The following SLC12A2 variants were observed in gnomAD, a reference collection of about 807,000 sequenced individuals.
SLC12A2 encodes the protein solute carrier family 12 member 2.
A neutral mutation model predicts 136.3 loss-of-function variants in SLC12A2; 67 were observed. The ratio of observed to expected loss-of-function variants is 0.49; its 90% CI spans 0.40 to 0.60. The LOEUF (loss-of-function observed/expected upper bound fraction) is 0.60. Ranked by LOEUF, SLC12A2 falls within the 20% of genes least tolerant of loss-of-function variation. The pLI, the probability that SLC12A2 is intolerant of heterozygous loss-of-function variation, is 0.00. For synonymous variants in SLC12A2, 619 were observed against 562.9 expected, an observed-to-expected ratio of 1.10 and a Z score of -1.41; for missense variants, 1,322 against 1,534.7, an observed-to-expected ratio of 0.86 and a Z score of 2.32.
chr5:128,143,497 C>T (rs1361004057), intron 10 of SLC12A2, among the ~76,000 whole-genome samples: 1 of 152,058 alleles, frequency 6.6e-6, no homozygotes, highest in African/African-American at 2.4e-5. Flanking sequence ...TTTATTGTTA[C>T]CTCTATTAAG....
chr5:128,135,683 A>C lies in SLC12A2; in HGVS notation c.1300-17A>C, dbSNP rs760683207. ...AACAAGATACTTGATTTTAATTTTT[A>C]ATGTTTAAAATTGCAGGCTCAGATT... On this transcript the variant is annotated splice_polypyrimidine_tract_variant and intron_variant, in intron 6 of 26. Transcript: ENST00000262461. The C allele has an allele frequency of 2.8e-6, 4 of 1,453,552 alleles. No individual in the cohort carries two copies. The highest frequency in any genetic ancestry group is 3.8e-6 in the Non-Finnish European group (4 of 1,040,288). The allele number at this position is 1,453,552 out of a possible 1,614,324, so 90.0% of individuals were successfully genotyped here. A position where few individuals can be genotyped will look rare whatever the true frequency, so the allele number is the denominator to read the frequency against.
chr5:128,126,967 T>TATATATATATATATAA (rs1491322749), intron 4 of SLC12A2, among the ~76,000 whole-genome samples: 2 of 29,650 alleles, frequency 6.7e-5, no homozygotes, highest in African/African-American at 3.8e-4. Flanking sequence ...TATATATATA[T>TATATATATATATATAA]TTTTTTTTTT....
intron 26 of SLC12A2, among the ~76,000 whole-genome samples, chr5:128,185,171 T>C (rs1211541679): frequency 6.6e-6 from 1 of 152,152 alleles, no homozygotes; most frequent in East Asian, 1.9e-4. Context: ...TAAGCACGTG[T>C]GGATAGGAGG....
chr5:128,159,403 T>G (rs1762962594), intron 16 of SLC12A2, among the ~76,000 whole-genome samples: 1 of 152,058 alleles, frequency 6.6e-6, no homozygotes, highest in Admixed American at 6.6e-5. Context: ...AATTGATAAA[T>G]GGGATCTAAC....
At chr5:128,115,920 A>G (rs900888710) in intron 4 of SLC12A2, among the ~76,000 whole-genome samples, 3 of 152,186 alleles carry the variant, frequency 2.0e-5, no homozygotes, top group African/African-American at 7.2e-5. Context: ...TATCAATATG[A>G]TTATGACTAT....
rs568063857 is a variant in SLC12A2, at chr5:128,138,656, G to A, written c.1468G>A (p.Val490Ile). The change falls in exon 8 of 27, where the codon GTA (valine) becomes ATA (isoleucine). Residue 490 changes from valine (V) to isoleucine (I), a missense_variant. Physicochemically the swap from Val to Ile is conservative, Grantham distance 29 (BLOSUM62 3). Coordinates refer to ENST00000262461, the MANE Select transcript of SLC12A2 (RefSeq NM_001046.3). ...DFREEETFFS[V>I]FAIFFPAATG... The stretch of plus-strand genomic sequence containing the variant: ...TCGAGAGGAAGAGACTTTCTTTTCT[G>A]TATTTGCCATCTTTTTTCCTGCTGC... 1.2e-6 allele frequency: 2 copies of A among 1,613,640 alleles called. No individual in the cohort carries two copies. Among genetic ancestry groups the A allele is most frequent in the South Asian group, 2.2e-5 (2 of 91,028 alleles).
intron 18 of SLC12A2, chr5:128,169,462 TA>T (rs1299467424): frequency 6.6e-6 from 1 of 152,198 alleles, no homozygotes; most frequent in Non-Finnish European, 1.5e-5. Context: ...CTCTACTTTT[TA>T]AAGGATCTCT....
chr5:128,097,393 T>G (rs1760583700), intron 1 of SLC12A2, among the ~76,000 whole-genome samples: 1 of 152,088 alleles, frequency 6.6e-6, no homozygotes, highest in Non-Finnish European at 1.5e-5. Context: ...TATAATACTT[T>G]AAAGTATATG....
At chr5:128,184,684 C>T in intron 25 of SLC12A2, 105 bp from the exon 26 acceptor site, 1 of 1,553,698 alleles carries the variant, frequency 6.4e-7, no homozygotes, top group South Asian at 1.2e-5. Context: ...ATTTTTATTA[C>T]ACGAAAATTC....
rs1266702762 is a variant in SLC12A2 at position 128,114,277 on chromosome 5, A to G, written c.942A>G (p.Gln314=). Residue 314 remains glutamine (Q), a synonymous_variant, in exon 3 of 27, where the codon CAA becomes CAG. Coordinates refer to ENST00000262461, the MANE Select transcript of SLC12A2 (RefSeq NM_001046.3). ...LFIRLSWIVG[Q]AGIGLSVLVI... The stretch of plus-strand genomic sequence containing the variant: ...TTAGATTGTCATGGATTGTGGGTCA[A>G]GCTGGAATAGGTAAGTGAAGTTATA... 6.2e-7 allele frequency: 1 copy of G among 1,612,446 alleles called. No individual in the cohort carries two copies. Among genetic ancestry groups the G allele is most frequent in the Non-Finnish European group, 8.5e-7 (1 of 1,178,816 alleles).
chr5:128,154,295 G>T (rs1274067682), intron 15 of SLC12A2, among the ~76,000 whole-genome samples: 2 of 151,862 alleles, frequency 1.3e-5, no homozygotes, highest in Non-Finnish European at 2.9e-5. Context: ...GTATGATGGT[G>T]CATACCTGTG....
chr5:128,181,138 A>G, intron 23 of SLC12A2, 144 bp downstream of exon 23: 3 of 606,458 alleles, frequency 4.9e-6, no homozygotes, highest in Non-Finnish European at 8.7e-6. Context: ...TTTAAATATA[A>G]CCTTGTTCTC....
intron 4 of SLC12A2, among the ~76,000 whole-genome samples, chr5:128,120,461 A>C (rs1437413105): frequency 1.3e-5 from 2 of 151,930 alleles, no homozygotes; most frequent in African/African-American, 2.4e-5. Context: ...AACCAACCCA[A>C]ATGTCCAACA....
intron 18 of SLC12A2, chr5:128,170,387 T>A (rs1258885156): frequency 6.6e-6 from 1 of 152,212 alleles, no homozygotes; most frequent in East Asian, 1.9e-4. Context: ...ATCATAGGAA[T>A]GTGGCCAAAT....
At chr5:128,181,831 C>G (rs544551607) in intron 23 of SLC12A2, among the ~76,000 whole-genome samples, 4 of 152,104 alleles carry the variant, frequency 2.6e-5, no homozygotes, top group African/African-American at 9.6e-5. Flanking sequence ...TCTCATCTCT[C>G]TCCTGTAAAT....
In SLC12A2 at chr5:128,110,052, T is replaced by G. The variant is rs1251812839; in HGVS notation, c.757-2762T>G. 7 of 1,018,356 alleles carry G rather than the reference T, an allele frequency of 6.9e-6. No individual in the cohort carries two copies. In the East Asian group the frequency reaches 1.7e-4, roughly 24 times the overall value. The allele number at this position is 1,018,356 out of a possible 1,614,324, so 63.1% of individuals were successfully genotyped here. The stretch of plus-strand genomic sequence containing the variant: ...AAGACTTGGACAGAGGCAGAGCCTG[T>G]GTCACTACACCTTAAAAGATAACAA... On this transcript the variant is annotated intron_variant, in intron 1 of 26. Coordinates refer to ENST00000262461, the MANE Select transcript of SLC12A2 (RefSeq NM_001046.3).
At chr5:128,157,564 C>T (rs1430687418) in intron 15 of SLC12A2, among the ~76,000 whole-genome samples, 1 of 152,098 alleles carries the variant, frequency 6.6e-6, no homozygotes, top group Admixed American at 6.6e-5. Flanking sequence ...CTGTTTTGTA[C>T]ATGAAGGCAA....
chr5:128,165,924 C>A (rs1289612409), intron 17 of SLC12A2, among the ~76,000 whole-genome samples: 5 of 142,876 alleles, frequency 3.5e-5, no homozygotes, highest in Admixed American at 7.0e-5. Context: ...TACCTCCCCC[C>A]CCCCCCCCCA....
chr5:128,119,318 C>G (rs1218634486), intron 4 of SLC12A2, among the ~76,000 whole-genome samples: 1 of 152,122 alleles, frequency 6.6e-6, no homozygotes, highest in East Asian at 1.9e-4. Context: ...TCTTAAAACA[C>G]TATTCAAAGG....
Sources: allele counts gnomAD v4.1 joint callset (sites outside exome capture counted in the v4.1 genomes callset), GRCh38; gene constraint gnomAD v4.1.1; transcripts MANE v1.5; gene names NCBI Gene and HGNC (gene_info 2026-07-23, HGNC 2026-07-21).